The following TRIT1 variants were observed in gnomAD, a reference collection of about 807,000 sequenced individuals.
TRIT1 encodes the protein tRNA dimethylallyltransferase.
Under a neutral mutation model 51.2 loss-of-function variants are expected in TRIT1, and 43 were observed. The ratio of observed to expected loss-of-function variants is 0.84; its 90% CI spans 0.66 to 1.08. TRIT1 has a LOEUF of 1.08. TRIT1 is among the 50% of genes least tolerant of loss of function. TRIT1 has a pLI of 0.00. For synonymous variants in TRIT1, 184 were observed against 203.9 expected (o/e 0.90, Z 0.83); for missense variants, 528 against 578.4 (o/e 0.91, Z 0.89).
chr1:39,857,213 A>C, intron 2 of TRIT1, 64 bp downstream of exon 2: 2 of 1,514,088 alleles, frequency 1.3e-6, no homozygotes, highest in Non-Finnish European at 1.8e-6. Flanking sequence ...TAGAAAGAAA[A>C]CTTCTCTCTT....
intron 1 of TRIT1, among the ~76,000 whole-genome samples, chr1:39,877,485 C>T (rs373866453): frequency 7.9e-5 from 12 of 152,260 alleles, no homozygotes; most frequent in Admixed American, 4.6e-4. Context: ...CTCCTATGTA[C>T]GGCTACTGCT....
chr1:39,878,420 G>A (rs1170994733), intron 1 of TRIT1, among the ~76,000 whole-genome samples: 1 of 152,196 alleles, frequency 6.6e-6, no homozygotes, highest in Non-Finnish European at 1.5e-5. Context: ...TTGACCTTGG[G>A]TAGGTGTTGC....
rs763339902 is a variant in TRIT1, at chr1:39,841,816, TGGGGAAAC to T, written c.1324_1331del (p.Val442ArgfsTer3). 1.4e-5 allele frequency: 22 copies of T among 1,614,026 alleles called. No homozygotes were observed. Among genetic ancestry groups the T allele is most frequent in the Non-Finnish European group, 3.4e-6 (4 of 1,180,000 alleles). ...TCTCTTTAGGTTCTTTGTTATGGTC[TGGGGAAAC>T]ACTCTGACTTTCTATGGTGTTGACA... On this transcript the variant is annotated frameshift_variant, in exon 11 of 11. Coordinates refer to ENST00000316891, the MANE Select transcript of TRIT1 (RefSeq NM_017646.6). LOFTEE classifies it high-confidence loss of function.
At chr1:39,844,950 C>T (rs973060729) in intron 8 of TRIT1, among the ~76,000 whole-genome samples, 3 of 152,210 alleles carry the variant, frequency 2.0e-5, no homozygotes, top group Admixed American at 6.5e-5. Context: ...GACAGCACAT[C>T]GTAAGAAGAA....
At chr1:39,857,942 C>T (rs142557162) in intron 1 of TRIT1, among the ~76,000 whole-genome samples, 21 of 152,256 alleles carry the variant, frequency 1.4e-4, no homozygotes, top group African/African-American at 4.6e-4. Flanking sequence ...GAAGTCAGAA[C>T]CCCTAATACT....
chr1:39,855,811 G>C (rs141897110), intron 2 of TRIT1, among the ~76,000 whole-genome samples: 2,001 of 152,314 alleles, frequency 0.013, 48 homozygotes, highest in African/African-American at 0.046. Flanking sequence ...GCCATGAAAT[G>C]ACTGTGATAT....
At chr1:39,859,564 T>C (rs1356617475) in intron 1 of TRIT1, among the ~76,000 whole-genome samples, 5 of 147,644 alleles carry the variant, frequency 3.4e-5, no homozygotes, top group African/African-American at 7.5e-5. Flanking sequence ...GCCTGGGCAA[T>C]AGAGCCAGAC....
At chr1:39,882,222 A>G (rs190992596) in intron 1 of TRIT1, among the ~76,000 whole-genome samples, 2 of 152,292 alleles carry the variant, frequency 1.3e-5, no homozygotes, top group Admixed American at 1.3e-4. Context: ...ACTGCAAACA[A>G]ATTATTTTTT....
chr1:39,869,347 T>C (rs758460078), intron 1 of TRIT1, among the ~76,000 whole-genome samples: 143 of 152,352 alleles, frequency 9.4e-4, no homozygotes, highest in Middle Eastern at 3.4e-3. Flanking sequence ...GCGAGTGATC[T>C]GCTAGCCTCG....
intron 2 of TRIT1, among the ~76,000 whole-genome samples, chr1:39,854,369 A>C (rs1642769202): frequency 6.6e-6 from 1 of 152,202 alleles, no homozygotes; most frequent in African/African-American, 2.4e-5. Flanking sequence ...CAGTTCAATA[A>C]GCACAAGCCC....
At chr1:39,842,745 C>G (rs1641987888) in intron 10 of TRIT1, among the ~76,000 whole-genome samples, 1 of 152,182 alleles carries the variant, frequency 6.6e-6, no homozygotes, top group African/African-American at 2.4e-5. Context: ...TTTAAATTCT[C>G]TTTTATACAT....
chr1:39,870,482 C>T (rs192679233), intron 1 of TRIT1, among the ~76,000 whole-genome samples: 3 of 136,904 alleles, frequency 2.2e-5, no homozygotes, highest in Non-Finnish European at 4.5e-5. Flanking sequence ...TCCCCCTCTG[C>T]GAGCAACACC....
intron 3 of TRIT1, 52 bp from the exon 4 acceptor site, chr1:39,852,928 T>C: frequency 1.3e-6 from 2 of 1,592,440 alleles, no homozygotes; most frequent in South Asian, 2.3e-5. Flanking sequence ...ACTGAGACAG[T>C]GTATGTGCCA....
chr1:39,846,273 A>G (rs1642217086), intron 8 of TRIT1, among the ~76,000 whole-genome samples: 1 of 152,220 alleles, frequency 6.6e-6, no homozygotes, highest in African/African-American at 2.4e-5. Context: ...ATGTATTTTC[A>G]GAGGCACCGA....
At chr1:39,854,105 T>C in intron 2 of TRIT1, 37 bp from the exon 3 acceptor site, 1 of 1,451,888 alleles carries the variant, frequency 6.9e-7, no homozygotes, top group East Asian at 2.3e-5. Context: ...ATCAAGAGAA[T>C]CCTGACTCAC....
chr1:39,852,757 A>G lies in TRIT1; in HGVS notation c.534T>C (p.His178=). 6.2e-7 allele frequency: 1 copy of G among 1,614,062 alleles called. No individual in the cohort carries two copies. Among genetic ancestry groups the G allele is most frequent in the Non-Finnish European group, 8.5e-7 (1 of 1,179,948 alleles). ...TGGCCACTTTGCGTTTGTCATGTGG[A>G]TGCAGCTTGGCAGCCATTTCTGGGT... ...QVDPEMAAKL[H]PHDKRKVARS... Residue 178 remains histidine (H), a synonymous_variant, in exon 4 of 11, where the codon CAT becomes CAC. Transcript: ENST00000316891.
chr1:39,867,006 G>A (rs1365858388), intron 1 of TRIT1, among the ~76,000 whole-genome samples: 1 of 152,126 alleles, frequency 6.6e-6, no homozygotes, highest in Non-Finnish European at 1.5e-5. Context: ...AAAAAAGCAG[G>A]AGAATCTGTG....
chr1:39,840,872 C>T lies in TRIT1; in HGVS notation c.*872G>A, dbSNP rs1641847766. The T allele has an allele frequency of 6.6e-6, 1 of 152,134 alleles. No individual in the cohort carries two copies. Among genetic ancestry groups the T allele is most frequent in the Admixed American group, 6.6e-5 (1 of 15,252 alleles). The allele number at this position is 152,134 out of a possible 1,614,324, so 9.4% of individuals were successfully genotyped here. ...GAAGTAATAGATCTCCAATAAAAGA[C>T]CCTCTCTAGATGTCTTCAAGGACTA... On this transcript the variant is annotated 3_prime_UTR_variant, in exon 11 of 11. Transcript: ENST00000316891.
chr1:39,840,865 T>C lies in TRIT1; in HGVS notation c.*879A>G, dbSNP rs1641845580. On this transcript the variant is annotated 3_prime_UTR_variant, in exon 11 of 11. Coordinates refer to ENST00000316891, the MANE Select transcript of TRIT1 (RefSeq NM_017646.6). ...TCAATTGGAAGTAATAGATCTCCAA[T>C]AAAAGACCCTCTCTAGATGTCTTCA... is the stretch of plus-strand genomic sequence containing the variant. 6.6e-6 allele frequency among the ~76,000 whole-genome samples: 1 copy of C among 152,128 alleles called. No individual in the cohort carries two copies. The highest frequency in any genetic ancestry group is 6.6e-5 in the Admixed American group (1 of 15,254).
Sources: allele counts gnomAD v4.1 joint callset (sites outside exome capture counted in the v4.1 genomes callset), GRCh38; gene constraint gnomAD v4.1.1; transcripts MANE v1.5; gene names NCBI Gene and HGNC (gene_info 2026-07-23, HGNC 2026-07-21).